Variants in TM9SF3 observed in about 807,000 individuals in gnomAD.
TM9SF3 encodes the protein transmembrane 9 superfamily member 3.
In TM9SF3, 14 loss-of-function variants were observed where a neutral mutation model predicts 78.6. The ratio of observed to expected loss-of-function variants is 0.18; its 90% confidence interval spans 0.12 to 0.28. The LOEUF is 0.28. TM9SF3 is among the 10% of genes least tolerant of loss of function. The pLI is 1.00. For missense variants in TM9SF3, 496 were observed against 721.9 expected, an observed-to-expected ratio of 0.69 and a Z score of 3.59; for synonymous variants, 231 against 241.7, an observed-to-expected ratio of 0.96 and a Z score of 0.41.
chr10:96,524,645 T>C (rs575343015), intron 14 of TM9SF3, among the ~76,000 whole-genome samples: 1 of 151,908 alleles, frequency 6.6e-6, no homozygotes, highest in Admixed American at 6.6e-5. Flanking sequence ...TTAGGAATAA[T>C]AGAGGTGCAC....
intron 1 of TM9SF3, among the ~76,000 whole-genome samples, chr10:96,580,243 CT>C (rs1258724170): frequency 6.6e-6 from 1 of 151,410 alleles, no homozygotes; most frequent in Non-Finnish European, 1.5e-5. Flanking sequence ...TATTGTCTTC[CT>C]CCCCTTTTCT....
intron 9 of TM9SF3, among the ~76,000 whole-genome samples, chr10:96,535,679 G>A (rs1004809094): frequency 3.3e-5 from 5 of 152,176 alleles, no homozygotes; most frequent in African/African-American, 9.7e-5. Context: ...AGAGGAGAAT[G>A]AAAGCAGGCA....
chr10:96,568,003 TGAA>T (rs918819383), intron 2 of TM9SF3, among the ~76,000 whole-genome samples: 1 of 152,330 alleles, frequency 6.6e-6, no homozygotes, highest in Non-Finnish European at 1.5e-5. Flanking sequence ...AAAGAGGTCT[TGAA>T]GAATAACTTT....
At position 96,521,274 on chromosome 10, in the gene TM9SF3, T is replaced by C. The variant is rs1332139221; in HGVS notation, c.*989A>G. On this transcript the variant is annotated 3_prime_UTR_variant, in exon 15 of 15. Transcript: ENST00000371142. ...TAAGAAAAAAGTACTCTGTAGTCGATCTGTACATCCAAATGCATTTGGGAA... is the reference window on the plus strand; with the variant it reads ...TAAGAAAAAAGTACTCTGTAGTCGACCTGTACATCCAAATGCATTTGGGAA... 2 of 182,168 alleles carry C rather than the reference T, an allele frequency of 1.1e-5. No individual in the cohort carries two copies. Among genetic ancestry groups the C allele is most frequent in the East Asian group, 2.6e-4 (2 of 7,660 alleles). 11.3% of individuals were successfully genotyped at this position (182,168 alleles called of 1,614,324 possible). A position where few individuals can be genotyped will look rare whatever the true frequency, so the allele number is the denominator to read the frequency against.
intron 8 of TM9SF3, among the ~76,000 whole-genome samples, chr10:96,545,804 G>A (rs1302808781): frequency 4.6e-5 from 7 of 152,170 alleles, no homozygotes; most frequent in South Asian, 2.1e-4. Flanking sequence ...TAGGAGAATC[G>A]CTTGAACCCA....
intron 2 of TM9SF3, among the ~76,000 whole-genome samples, chr10:96,574,924 G>A (rs996843162): frequency 3.3e-5 from 5 of 152,246 alleles, no homozygotes; most frequent in South Asian, 2.1e-4. Flanking sequence ...GCCCTGTCAG[G>A]GGGTGGGGGG....
At chr10:96,548,013 A>T in intron 7 of TM9SF3, 24 bp from the exon 8 acceptor site, 2 of 1,527,054 alleles carry the variant, frequency 1.3e-6, no homozygotes, top group Non-Finnish European at 1.8e-6. Context: ...AAAGAAAAAA[A>T]AAATTAAAAC....
chr10:96,532,811 T>C (rs1410696999), intron 10 of TM9SF3, among the ~76,000 whole-genome samples: 2 of 152,102 alleles, frequency 1.3e-5, no homozygotes, highest in Non-Finnish European at 2.9e-5. Context: ...TTCTACACCA[T>C]AGAAAAGCAT....
intron 14 of TM9SF3, among the ~76,000 whole-genome samples, chr10:96,523,759 ATTGT>A (rs1476512886): frequency 1.3e-5 from 2 of 151,894 alleles, no homozygotes; most frequent in Non-Finnish European, 2.9e-5. Flanking sequence ...TTCTACAGAA[ATTGT>A]TTAAGTTTTA....
chr10:96,525,214 A>C (rs1021536707), intron 14 of TM9SF3, among the ~76,000 whole-genome samples: 1 of 152,018 alleles, frequency 6.6e-6, no homozygotes, highest in Non-Finnish European at 1.5e-5. Flanking sequence ...ACTCTGAAGA[A>C]AGGATGGCAA....
chr10:96,559,599 AAT>A (rs1250681030), intron 5 of TM9SF3, 58 bp downstream of exon 5: 54 of 1,212,856 alleles, frequency 4.5e-5, no homozygotes, highest in Non-Finnish European at 5.7e-5. Flanking sequence ...ACAGATACTC[AAT>A]GTTTGTTGAA....
chr10:96,557,059 A>G (rs1848242430), intron 5 of TM9SF3, among the ~76,000 whole-genome samples: 3 of 152,142 alleles, frequency 2.0e-5, no homozygotes, highest in Admixed American at 2.0e-4. Context: ...CCCAGGGCTT[A>G]GTCCTTGGTC....
intron 8 of TM9SF3, among the ~76,000 whole-genome samples, chr10:96,545,760 G>A (rs540788568): frequency 9.2e-5 from 14 of 152,204 alleles, no homozygotes; most frequent in African/African-American, 3.1e-4. Context: ...ATGGTGACAC[G>A]CGCCTGTAAT....
At chr10:96,559,631 A>G (rs746721176) in intron 5 of TM9SF3, 28 bp downstream of exon 5, 5 of 1,490,468 alleles carry the variant, frequency 3.4e-6, no homozygotes, top group Non-Finnish European at 4.6e-6. Flanking sequence ...GCACATAATC[A>G]ATGTCTTAAA....
chr10:96,533,236 TTAATATAAACAAA>T (rs759033037), intron 9 of TM9SF3, 46 bp from the exon 10 acceptor site: 31 of 1,576,378 alleles, frequency 2.0e-5, no homozygotes, highest in Non-Finnish European at 2.4e-5. Flanking sequence ...AACAATAACA[TTAATATAAACAAA>T]TAAAAGAGAC....
At chr10:96,548,323 T>C (rs1848125400) in intron 7 of TM9SF3, among the ~76,000 whole-genome samples, 1 of 152,214 alleles carries the variant, frequency 6.6e-6, no homozygotes, top group African/African-American at 2.4e-5. Flanking sequence ...AATCCCATAA[T>C]ATGGAACAAG....
intron 9 of TM9SF3, among the ~76,000 whole-genome samples, chr10:96,541,250 T>A (rs949440088): frequency 6.6e-6 from 1 of 152,180 alleles, no homozygotes; most frequent in Non-Finnish European, 1.5e-5. Context: ...TTCCAGAACA[T>A]CTTGGCGAAT....
intron 14 of TM9SF3, among the ~76,000 whole-genome samples, chr10:96,526,881 C>T (rs1847843962): frequency 6.6e-6 from 1 of 152,086 alleles, no homozygotes; most frequent in South Asian, 2.1e-4. Flanking sequence ...AAGCCAGGCA[C>T]AGTGGCATGT....
At chr10:96,530,846 C>G (rs1471764295) in intron 10 of TM9SF3, among the ~76,000 whole-genome samples, 1 of 152,158 alleles carries the variant, frequency 6.6e-6, no homozygotes, top group Non-Finnish European at 1.5e-5. Flanking sequence ...ATATGAAGAA[C>G]ACAAATTACT....
Sources: allele counts gnomAD v4.1 joint callset (sites outside exome capture counted in the v4.1 genomes callset), GRCh38; gene constraint gnomAD v4.1.1; transcripts MANE v1.5; gene names NCBI Gene and HGNC (gene_info 2026-07-23, HGNC 2026-07-21).